The following PSMF1 variants were observed in gnomAD, a reference collection of about 807,000 sequenced individuals.
PSMF1 encodes the protein proteasome inhibitor PI31 subunit.
Under a neutral mutation model 29.3 loss-of-function variants are expected in PSMF1, and 30 were observed. The observed-to-expected ratio is 1.02, with a 90% CI of 0.77 to 1.39. PSMF1 has a LOEUF of 1.39. Ranked by LOEUF, PSMF1 falls within the 40% of genes most tolerant of loss-of-function variation. The pLI, the probability that PSMF1 is intolerant of heterozygous loss-of-function variation, is 0.00. For missense variants in PSMF1, 344 were observed against 357.5 expected (o/e 0.96, Z 0.31); for synonymous variants, 134 against 139.7 (o/e 0.96, Z 0.29).
intron 4 of PSMF1, among the ~76,000 whole-genome samples, chr20:1,147,516 C>T (rs982213080): frequency 2.0e-5 from 3 of 152,084 alleles, no homozygotes; most frequent in Non-Finnish European, 4.4e-5. Context: ...ATGGAGAAGC[C>T]CATCCCCTTT....
Position 1,170,111 on chromosome 20 carries a change from G to C in PSMF1, c.*5031G>C, listed in dbSNP as rs937795649. Among the ~76,000 whole-genome samples, 2 of 152,104 alleles carry C rather than the reference G, an allele frequency of 1.3e-5. No homozygotes were observed. The highest frequency in any genetic ancestry group is 4.8e-5 in the African/African-American group (2 of 41,408). On this transcript the variant is annotated 3_prime_UTR_variant, in exon 7 of 7. Transcript: ENST00000335877. ...CAAGTTTGAGAACTGAGAAGGGAGG[G>C]GAAGACCTACCTCCTTGTTACTCAG... is the stretch of plus-strand genomic sequence containing the variant.
At chr20:1,158,455 C>T (rs186351510) in intron 4 of PSMF1, among the ~76,000 whole-genome samples, 3 of 152,318 alleles carry the variant, frequency 2.0e-5, no homozygotes, top group African/African-American at 7.2e-5. Flanking sequence ...GGAAAATTCC[C>T]AACCCAATGT....
In PSMF1 at chr20:1,164,983, T is replaced by G; in HGVS notation, c.765-46T>G. 1 of 1,521,032 alleles carries G rather than the reference T, an allele frequency of 6.6e-7. No homozygotes were observed. The highest frequency in any genetic ancestry group is 9.1e-7 in the Non-Finnish European group (1 of 1,095,426). 94.2% of individuals were successfully genotyped at this position (1,521,032 alleles called of 1,614,324 possible). ...AGGGTCATGTCTGCCCATGTTCCCC[T>G]GGTCTCTCCATCACTCCAACTCATC... is the stretch of plus-strand genomic sequence containing the variant. On this transcript the variant is annotated intron_variant, in intron 6 of 6. Transcript: ENST00000335877. This position sits in a 1 kb window ranked among gnomAD's most constrained non-coding sequence, Gnocchi z 4.1.
rs529480630 is a variant in PSMF1 at position 1,169,056 on chromosome 20, G to C, written c.*3976G>C. On this transcript the variant is annotated 3_prime_UTR_variant, in exon 7 of 7. Transcript: ENST00000335877. ...GTGGCTCTGGAGTTCCTAATCCCCA[G>C]ATTGTAGCAATGATGATGTGATCCT... 2.6e-5 allele frequency among the ~76,000 whole-genome samples: 4 copies of C among 152,206 alleles called. No homozygotes were observed. Among genetic ancestry groups the C allele is most frequent in the Non-Finnish European group, 5.9e-5 (4 of 68,030 alleles).
rs745705853 is a variant in PSMF1, at chr20:1,118,811, C to T, written c.38C>T (p.Pro13Leu). The T allele has an allele frequency of 6.2e-7, 1 of 1,613,558 alleles. No individual in the cohort carries two copies. The highest frequency in any genetic ancestry group is 1.1e-5 in the South Asian group (1 of 91,072). The change falls in exon 1 of 7, where the codon CCG (proline) becomes CTG (leucine). Residue 13 changes from proline (P) to leucine (L), a missense_variant. Pro to Leu is a moderately conservative substitution (Grantham distance 98, BLOSUM62 -3). Coordinates refer to ENST00000335877, the MANE Select transcript of PSMF1 (RefSeq NM_006814.5). Reference sequence around the variant, plus strand: ...GAGGTACTGTTCGCATCGGCAGCGCCGGCCATCACCTGCAGGCAGGACGCG... The same window carrying T: ...GAGGTACTGTTCGCATCGGCAGCGCTGGCCATCACCTGCAGGCAGGACGCG... ...GLEVLFASAA[P>L]AITCRQDALV... is the part of the protein sequence containing the mutation.
At chr20:1,161,418 A>G in intron 4 of PSMF1, 1 of 418,894 alleles carries the variant, frequency 2.4e-6, no homozygotes, top group Non-Finnish European at 4.4e-6. Flanking sequence ...CAGCTCTATC[A>G]TAAGGTGTGA....
At chr20:1,130,658 C>A (rs2086216840) in intron 3 of PSMF1, among the ~76,000 whole-genome samples, 1 of 152,118 alleles carries the variant, frequency 6.6e-6, no homozygotes, top group Admixed American at 6.5e-5. Flanking sequence ...AGTCAGGTTT[C>A]CCTCTGTTGC....
chr20:1,119,203 G>A (rs1416676680), intron 1 of PSMF1, among the ~76,000 whole-genome samples: 8 of 151,230 alleles, frequency 5.3e-5, no homozygotes, highest in Non-Finnish European at 8.9e-5. Context: ...CCATAGAATG[G>A]CAAAGAATCT....
chr20:1,134,892 G>A (rs1257615158), intron 3 of PSMF1: 1 of 623,984 alleles, frequency 1.6e-6, no homozygotes, highest in African/African-American at 1.8e-5. Flanking sequence ...AAACAAGGAG[G>A]GGCAACTCAG....
chr20:1,113,756 G>A (rs1032695055), upstream of PSMF1, among the ~76,000 whole-genome samples: 4 of 152,008 alleles, frequency 2.6e-5, no homozygotes, highest in East Asian at 3.9e-4. Flanking sequence ...GCAGTGGCGC[G>A]ATCTCAGCTT....
At position 1,133,577 on chromosome 20, in the gene PSMF1, T is replaced by A. The variant is rs1413815911; in HGVS notation, c.366-1544T>A. On this transcript the variant is annotated intron_variant, in intron 3 of 6. Transcript: ENST00000335877. ...TGTGTATATATATATATATTTTTTT[T>A]TTTTTTTTGGTGTAGTCTTTGCCTG... Among the ~76,000 whole-genome samples the A allele has an allele frequency of 9.3e-3, 158 of 17,050 alleles. 2 individuals are homozygous for A. The Middle Eastern group carries it at 0.11, about 11-fold the overall frequency. The allele number at this position is 17,050 out of a possible 152,430, so 11.2% of individuals were successfully genotyped here.
chr20:1,153,595 A>G (rs993582591), intron 4 of PSMF1, among the ~76,000 whole-genome samples: 3 of 152,102 alleles, frequency 2.0e-5, no homozygotes, highest in Non-Finnish European at 4.4e-5. Context: ...CATCACATTC[A>G]TAGGTACTGG....
intron 3 of PSMF1, among the ~76,000 whole-genome samples, chr20:1,132,732 A>T (rs1172900009): frequency 6.6e-6 from 1 of 152,100 alleles, no homozygotes; most frequent in Non-Finnish European, 1.5e-5. Context: ...CCATTTATTA[A>T]TATTTAGGTT....
chr20:1,164,883 T>C lies in PSMF1; in HGVS notation c.765-146T>C. 1 of 747,072 alleles carries C rather than the reference T, an allele frequency of 1.3e-6. No individual in the cohort carries two copies. The highest frequency in any genetic ancestry group is 2.3e-5 in the Admixed American group (1 of 43,094). 46.3% of individuals were successfully genotyped at this position (747,072 alleles called of 1,614,324 possible). A position where few individuals can be genotyped will look rare whatever the true frequency, so the allele number is the denominator to read the frequency against. ...GGGGAGTCAGGATTCAAACCCCGGT[T>C]GTCTGGCTCTTGAGTGCATGTGTTT... On this transcript the variant is annotated intron_variant, in intron 6 of 6. Transcript: ENST00000335877. This position sits in a 1 kb window ranked among gnomAD's most constrained non-coding sequence, Gnocchi z 4.1.
At chr20:1,154,280 G>T (rs1289963146) in intron 4 of PSMF1, among the ~76,000 whole-genome samples, 5 of 152,174 alleles carry the variant, frequency 3.3e-5, no homozygotes, top group Non-Finnish European at 7.4e-5. Context: ...CATAATTTAT[G>T]TATATTTTTT....
intron 4 of PSMF1, among the ~76,000 whole-genome samples, chr20:1,159,198 AT>A (rs1568482183): frequency 6.6e-6 from 1 of 152,050 alleles, no homozygotes; most frequent in African/African-American, 2.4e-5. Context: ...CTTTTTAAAA[AT>A]TTTTTATATT....
chr20:1,117,492 C>T (rs1339244447), upstream of PSMF1, among the ~76,000 whole-genome samples: 2 of 152,080 alleles, frequency 1.3e-5, no homozygotes, highest in African/African-American at 2.4e-5. Context: ...TAAAGGCGTG[C>T]GCCACCACAC....
intron 4 of PSMF1, among the ~76,000 whole-genome samples, chr20:1,158,848 A>G (rs2086628309): frequency 6.6e-6 from 1 of 152,200 alleles, no homozygotes. Context: ...CAAGGGGGCT[A>G]TCTAGAGAAG....
Position 1,164,841 on chromosome 20 carries a change from G to C in PSMF1, c.765-188G>C, listed in dbSNP as rs1331890367. ...AGAAAATGAGGCCCTGAAAGATTAG[G>C]TAACTTATACCAAGCGGGGGAGTCA... On this transcript the variant is annotated intron_variant, in intron 6 of 6. Transcript: ENST00000335877. This position sits in a 1 kb window ranked among gnomAD's most constrained non-coding sequence, Gnocchi z 4.1. Among the ~76,000 whole-genome samples, 2 of 152,152 alleles carry C rather than the reference G, an allele frequency of 1.3e-5. No homozygotes were observed. The highest frequency in any genetic ancestry group is 2.9e-5 in the Non-Finnish European group (2 of 68,038).
Sources: gnomAD v4.1 joint callset for allele counts (sites outside exome capture counted in the v4.1 genomes callset) on GRCh38, gnomAD v4.1.1 for gene constraint, Gnocchi (gnomAD v3.1) non-coding constraint, MANE v1.5 for transcripts, NCBI Gene and HGNC (gene_info 2026-07-23, HGNC 2026-07-21) for gene names.